POC1B: variants seen among roughly 807,000 people sequenced by gnomAD.
POC1B encodes the protein POC1 centriolar protein B, also known as POC1 centriolar protein homolog B.
POC1B carries 44 observed loss-of-function variants against 60.6 expected under a neutral mutation model. That is an observed-to-expected ratio of 0.73 (90% CI 0.57 to 0.93). The LOEUF is 0.93. POC1B is among the 40% of genes least tolerant of loss of function. The probability of loss-of-function intolerance (pLI) is 0.00; values close to 1 mark genes in which losing one functional copy is unlikely to be tolerated. For synonymous variants in POC1B, 180 were observed against 198.9 expected (o/e 0.90, Z 0.80); for missense variants, 555 against 572.3 (o/e 0.97, Z 0.31).
At chr12:89,459,827 T>C (rs1882416024) in intron 9 of POC1B, 109 bp from the exon 10 acceptor site, 1 of 581,588 alleles carries the variant, frequency 1.7e-6, no homozygotes. Flanking sequence ...AATTAAAATA[T>C]ATTGGTATAT....
intron 10 of POC1B, among the ~76,000 whole-genome samples, chr12:89,442,337 G>A (rs1217199440): frequency 2.6e-5 from 4 of 152,184 alleles, no homozygotes; most frequent in African/African-American, 9.7e-5. Flanking sequence ...AGGAAAAAAT[G>A]TTAAGGGCAG....
chr12:89,506,458 A>G (rs963402785), intron 2 of POC1B, among the ~76,000 whole-genome samples: 2 of 152,238 alleles, frequency 1.3e-5, no homozygotes, highest in African/African-American at 4.8e-5. Flanking sequence ...GGAAATCAGT[A>G]CAGATAAAGA....
At chr12:89,462,411 G>A (rs1444048215) in intron 9 of POC1B, among the ~76,000 whole-genome samples, 1 of 152,122 alleles carries the variant, frequency 6.6e-6, no homozygotes, top group Non-Finnish European at 1.5e-5. Context: ...AATGAATGAG[G>A]TAAAGGTTAG....
At chr12:89,473,534 G>C (rs536519287) in intron 4 of POC1B, among the ~76,000 whole-genome samples, 1 of 152,048 alleles carries the variant, frequency 6.6e-6, no homozygotes, top group East Asian at 1.9e-4. Context: ...AGTGGCAGGT[G>C]CCTGTAATCC....
At chr12:89,524,162 T>C (rs1238673131) in intron 2 of POC1B, 1 of 1,614,020 alleles carries the variant, frequency 6.2e-7, no homozygotes, top group East Asian at 2.2e-5. Context: ...GTCCTATAGT[T>C]GAACTTCTGG....
intron 10 of POC1B, among the ~76,000 whole-genome samples, chr12:89,454,052 C>T (rs1485855543): frequency 6.6e-6 from 1 of 152,168 alleles, no homozygotes; most frequent in Non-Finnish European, 1.5e-5. Flanking sequence ...GTGTGCTTCC[C>T]AAAGTCATGG....
rs372635919 is a variant in POC1B at position 89,523,188 on chromosome 12, C to T, written c.100+1932G>A. On this transcript the variant is annotated intron_variant, in intron 2 of 11. Transcript: ENST00000313546. ...GAGAATTATAATCTAAACATTCAGA[C>T]GAGATCCCTCTACTGCGAATAGCCC... The T allele has an allele frequency of 1.3e-4, 208 of 1,613,812 alleles. No individual in the cohort carries two copies. Among genetic ancestry groups the T allele is most frequent in the Admixed American group, 4.5e-4 (27 of 60,014 alleles).
At chr12:89,429,465 T>C (rs1880932053) in intron 10 of POC1B, 2 of 152,216 alleles carry the variant, frequency 1.3e-5, no homozygotes, top group Non-Finnish European at 2.9e-5. Context: ...ACATGGTGTT[T>C]AAGATTCCTG....
intron 2 of POC1B, among the ~76,000 whole-genome samples, chr12:89,506,757 C>T (rs746789525): frequency 1.8e-4 from 27 of 152,106 alleles, no homozygotes; most frequent in Non-Finnish European, 3.5e-4. Flanking sequence ...AGGAGGTATG[C>T]CCACAAAGCT....
At chr12:89,474,314 CA>C (rs138385977) in intron 4 of POC1B, among the ~76,000 whole-genome samples, 2,092 of 151,986 alleles carry the variant, frequency 0.014, 82 homozygotes, top group East Asian at 0.11. Context: ...GTTAAGTGAC[CA>C]AAATATTTCT....
At chr12:89,503,243 T>C (rs1001114597) in intron 2 of POC1B, among the ~76,000 whole-genome samples, 3 of 148,526 alleles carry the variant, frequency 2.0e-5, no homozygotes, top group African/African-American at 7.4e-5. Flanking sequence ...GCCTGCCGAG[T>C]GCCTGCGATT....
intron 2 of POC1B, chr12:89,524,477 C>G (rs1871234804): frequency 1.2e-6 from 2 of 1,613,506 alleles, no homozygotes; most frequent in Non-Finnish European, 1.7e-6. Context: ...AAGAGCTCCA[C>G]GAAGATATAG....
chr12:89,480,020 C>T (rs758397224), intron 4 of POC1B, among the ~76,000 whole-genome samples: 1 of 152,144 alleles, frequency 6.6e-6, no homozygotes, highest in Non-Finnish European at 1.5e-5. Flanking sequence ...CTCATATACA[C>T]ATGTATCTGC....
At chr12:89,461,000 G>A (rs1164634459) in intron 9 of POC1B, 1 of 152,078 alleles carries the variant, frequency 6.6e-6, no homozygotes, top group Admixed American at 6.6e-5. Flanking sequence ...GTGTACTAAC[G>A]AACCTTAAAG....
intron 4 of POC1B, among the ~76,000 whole-genome samples, chr12:89,482,640 C>T (rs1345183457): frequency 6.6e-6 from 1 of 152,070 alleles, no homozygotes; most frequent in South Asian, 2.1e-4. Flanking sequence ...AAAATGCAAA[C>T]TAAAAGACAA....
At chr12:89,469,609 T>C (rs190959217) in intron 7 of POC1B, among the ~76,000 whole-genome samples, 3 of 152,248 alleles carry the variant, frequency 2.0e-5, no homozygotes, top group African/African-American at 7.2e-5. Context: ...TGTTAGGCTG[T>C]GCTTACCCAA....
At chr12:89,447,987 A>AAG (rs373564620) in intron 10 of POC1B, among the ~76,000 whole-genome samples, 92 of 150,062 alleles carry the variant, frequency 6.1e-4, no homozygotes, top group Non-Finnish European at 2.2e-4. Flanking sequence ...GAGGAACACT[A>AAG]AGAGAGAGAG....
chr12:89,525,344 C>T, intron 1 of POC1B, 140 bp from the exon 2 acceptor site: 1 of 1,435,370 alleles, frequency 7.0e-7, no homozygotes, highest in East Asian at 2.6e-5. Context: ...CGGGGCCGGG[C>T]AGCAGCCCAC....
intron 4 of POC1B, among the ~76,000 whole-genome samples, chr12:89,484,389 A>G (rs1227277376): frequency 6.6e-6 from 1 of 152,226 alleles, no homozygotes; most frequent in Middle Eastern, 3.2e-3. Flanking sequence ...AGTTTACTAC[A>G]CAACATACAT....
Sources: allele counts gnomAD v4.1 joint callset (sites outside exome capture counted in the v4.1 genomes callset), GRCh38; gene constraint gnomAD v4.1.1; transcripts MANE v1.5; gene names NCBI Gene and HGNC (gene_info 2026-07-23, HGNC 2026-07-21).